Variants in DLG5 observed in about 807,000 individuals in gnomAD.
The protein encoded by DLG5 is disks large homolog 5.
Under a neutral mutation model 189.8 loss-of-function variants are expected in DLG5, and 48 were observed. That is an observed-to-expected ratio of 0.25 (90% CI 0.20 to 0.32). The LOEUF (loss-of-function observed/expected upper bound fraction) is 0.32. Ranked by LOEUF, DLG5 falls within the 10% of genes least tolerant of loss-of-function variation. The pLI, the probability that DLG5 is intolerant of heterozygous loss-of-function variation, is 1.00. For synonymous variants in DLG5, 1,016 were observed against 1,054.1 expected, an observed-to-expected ratio of 0.96 and a Z score of 0.70; for missense variants, 2,160 against 2,544.7, an observed-to-expected ratio of 0.85 and a Z score of 3.25.
chr10:77,798,586 A>G (rs894294831), intron 27 of DLG5, among the ~76,000 whole-genome samples: 1 of 152,184 alleles, frequency 6.6e-6, no homozygotes, highest in Non-Finnish European at 1.5e-5. Context: ...AACCTAGAAT[A>G]TATATTGTTT....
At position 77,874,361 on chromosome 10, in the gene DLG5, C is replaced by T. The variant is rs192940310; in HGVS notation, c.305-5164G>A. On this transcript the variant is annotated intron_variant, in intron 1 of 31. Coordinates refer to ENST00000372391, the MANE Select transcript of DLG5 (RefSeq NM_004747.4). ...TCAGTAAAATGGGATGATAGAAGTG[C>T]TTATCTCTTAGAGCTGTTTGAGGAT... Among the ~76,000 whole-genome samples, 360 of 152,322 alleles carry T rather than the reference C, an allele frequency of 2.4e-3. 2 individuals are homozygous for T. The highest frequency in any genetic ancestry group is 0.023 in the South Asian group (113 of 4,824).
rs185062835 is a variant in DLG5 at position 77,880,173 on chromosome 10, G to A, written c.305-10976C>T. On this transcript the variant is annotated intron_variant, in intron 1 of 31. Coordinates refer to ENST00000372391, the MANE Select transcript of DLG5 (RefSeq NM_004747.4). Reference sequence around the variant, plus strand: ...CACACAAGTAAAGAAACTGAACACAGCCGGGTGCAGTGGCTCACACCTGTA... The same window carrying A: ...CACACAAGTAAAGAAACTGAACACAACCGGGTGCAGTGGCTCACACCTGTA... Among the ~76,000 whole-genome samples the A allele has an allele frequency of 7.4e-4, 112 of 152,280 alleles. 1 individual carries two copies. Among genetic ancestry groups the A allele is most frequent in the African/African-American group, 2.6e-3 (107 of 41,548 alleles).
At chr10:77,869,920 G>A (rs564891657) in intron 1 of DLG5, among the ~76,000 whole-genome samples, 1 of 151,716 alleles carries the variant, frequency 6.6e-6, no homozygotes, top group South Asian at 2.1e-4. Context: ...GGGTCGTGCT[G>A]AGCAAGTAGC....
At chr10:77,801,313 A>G (rs1222876380) in intron 27 of DLG5, among the ~76,000 whole-genome samples, 1 of 152,192 alleles carries the variant, frequency 6.6e-6, no homozygotes, top group East Asian at 1.9e-4. Flanking sequence ...ATAAAATACA[A>G]CTTCTGAAAG....
At chr10:77,868,301 TA>T (rs1334574457) in intron 2 of DLG5, 1 of 364,086 alleles carries the variant, frequency 2.7e-6, no homozygotes, top group Non-Finnish European at 5.4e-6. Flanking sequence ...CAAAAGACCC[TA>T]ACATCCAGGA....
chr10:77,932,528 G>A, the DLG5 span, among the ~76,000 whole-genome samples: 2 of 152,170 alleles, frequency 1.3e-5, no homozygotes, highest in Non-Finnish European at 2.9e-5. Flanking sequence ...GCTGGGCGCC[G>A]TGGCTCACAC....
At chr10:77,809,384 C>T (rs1381324422) in intron 24 of DLG5, among the ~76,000 whole-genome samples, 163 bp downstream of exon 24, 1 of 152,150 alleles carries the variant, frequency 6.6e-6, no homozygotes, top group Non-Finnish European at 1.5e-5. Context: ...CCAGCCTGGG[C>T]GACAGAGCAA....
intron 1 of DLG5, among the ~76,000 whole-genome samples, chr10:77,874,539 T>C (rs1253079375): frequency 6.6e-6 from 1 of 152,234 alleles, no homozygotes; most frequent in Admixed American, 6.5e-5. Flanking sequence ...CAGTTTATTC[T>C]GCTTCCTCAA....
chr10:77,826,603 T>C (rs909498347), intron 13 of DLG5, among the ~76,000 whole-genome samples: 3 of 152,092 alleles, frequency 2.0e-5, no homozygotes, highest in African/African-American at 7.2e-5. Context: ...CACTCCAGCC[T>C]GGGCAACAGA....
chr10:77,818,865 T>C (rs576294032), intron 17 of DLG5, among the ~76,000 whole-genome samples: 2 of 152,252 alleles, frequency 1.3e-5, no homozygotes, highest in East Asian at 3.9e-4. Context: ...CAGCAATGTA[T>C]CCTCTTATAA....
At chr10:77,884,634 T>C (rs533801228) in intron 1 of DLG5, among the ~76,000 whole-genome samples, 35 of 152,320 alleles carry the variant, frequency 2.3e-4, no homozygotes, top group African/African-American at 7.9e-4. Context: ...TTTAAATGAC[T>C]GTGACTCAAG....
At chr10:77,869,714 A>C in intron 1 of DLG5, 1 of 154,578 alleles carries the variant, frequency 6.5e-6, no homozygotes, top group Non-Finnish European at 1.4e-5. Flanking sequence ...TTACTCCTAA[A>C]ATGATGAGCA....
chr10:77,804,448 T>C (rs551629765), intron 27 of DLG5, among the ~76,000 whole-genome samples: 3 of 152,296 alleles, frequency 2.0e-5, no homozygotes, highest in African/African-American at 7.2e-5. Context: ...TGTGATCCAC[T>C]GAACTCCCTA....
intron 19 of DLG5, 66 bp downstream of exon 19, chr10:77,816,941 G>T: frequency 6.5e-7 from 1 of 1,547,762 alleles, no homozygotes; most frequent in Non-Finnish European, 8.9e-7. Flanking sequence ...TAAGCCCAGA[G>T]ACTCCACCAT....
intron 1 of DLG5, among the ~76,000 whole-genome samples, chr10:77,907,150 C>A (rs1229578904): frequency 6.6e-6 from 1 of 152,198 alleles, no homozygotes; most frequent in Non-Finnish European, 1.5e-5. Flanking sequence ...CAAACCAGCA[C>A]TGGTCTGTAG....
At chr10:77,844,860 C>T (rs1427964347) in intron 5 of DLG5, among the ~76,000 whole-genome samples, 1 of 152,194 alleles carries the variant, frequency 6.6e-6, no homozygotes, top group Non-Finnish European at 1.5e-5. Flanking sequence ...CGAGAGCACA[C>T]TGGGCAGAGA....
At chr10:77,853,810 C>T (rs1844097898) in intron 4 of DLG5, among the ~76,000 whole-genome samples, 1 of 152,192 alleles carries the variant, frequency 6.6e-6, no homozygotes, top group Non-Finnish European at 1.5e-5. Context: ...AGACCTAGTG[C>T]CTCCAAATAC....
intron 1 of DLG5, among the ~76,000 whole-genome samples, chr10:77,898,272 G>A (rs1337421375): frequency 6.6e-6 from 1 of 152,196 alleles, no homozygotes; most frequent in Non-Finnish European, 1.5e-5. Context: ...TACCACACGT[G>A]GACTCTGCAG....
rs796951737 is a variant in DLG5 at position 77,851,110 on chromosome 10, A to G, written c.864+2244T>C. Among the ~76,000 whole-genome samples, 3 of 152,198 alleles carry G rather than the reference A, an allele frequency of 2.0e-5. No homozygotes were observed. In the South Asian group the frequency reaches 6.2e-4, roughly 31 times the overall value. ...AGTTACCACGCACCCCAGGGCAGAGAAGGGGCTCAAACCCTTAGAGGGCCA... is the reference window on the plus strand; with the variant it reads ...AGTTACCACGCACCCCAGGGCAGAGGAGGGGCTCAAACCCTTAGAGGGCCA... On this transcript the variant is annotated intron_variant, in intron 5 of 31. Transcript: ENST00000372391.
Sources: gnomAD v4.1 joint callset for allele counts (sites outside exome capture counted in the v4.1 genomes callset) on GRCh38, gnomAD v4.1.1 for gene constraint, MANE v1.5 for transcripts, NCBI Gene and HGNC (gene_info 2026-07-23, HGNC 2026-07-21) for gene names.